Variants in GABRB1 observed in about 807,000 individuals in gnomAD.
GABRB1 encodes gamma-aminobutyric acid type A receptor subunit beta1, also known as gamma-aminobutyric acid receptor subunit beta-1.
In GABRB1, 17 loss-of-function variants were observed where a neutral mutation model predicts 51.6. That is an observed-to-expected ratio of 0.33 (90% CI 0.23 to 0.49). The LOEUF (loss-of-function observed/expected upper bound fraction) is 0.49. Among genes scored for constraint, GABRB1 ranks in the 20% least tolerant of loss-of-function variants. GABRB1 has a pLI of 0.99. For synonymous variants in GABRB1, 247 were observed against 218.9 expected (o/e 1.13, Z -1.14); for missense variants, 410 against 600.6 (o/e 0.68, Z 3.32).
intron 4 of GABRB1, among the ~76,000 whole-genome samples, chr4:47,302,165 A>G (rs544135810): frequency 3.9e-5 from 6 of 152,152 alleles, no homozygotes; most frequent in Non-Finnish European, 7.4e-5. Context: ...TGATCCAACA[A>G]TTCCCAATGT....
intron 3 of GABRB1, among the ~76,000 whole-genome samples, chr4:47,048,877 C>T (rs1444805567): frequency 1.3e-5 from 2 of 152,020 alleles, no homozygotes; most frequent in Non-Finnish European, 2.9e-5. Context: ...CCATTAAAAA[C>T]AGATCTTTTA....
chr4:47,025,351 C>T (rs1725058229), intron 1 of GABRB1, among the ~76,000 whole-genome samples: 1 of 151,922 alleles, frequency 6.6e-6, no homozygotes. Context: ...TACTAGTTTA[C>T]ATTCCCACCA....
chr4:47,379,480 C>T (rs991254714), intron 5 of GABRB1, among the ~76,000 whole-genome samples: 1 of 152,114 alleles, frequency 6.6e-6, no homozygotes, highest in Non-Finnish European at 1.5e-5. Context: ...TTTTTGAACA[C>T]ATTTAAAGTA....
At chr4:47,257,474 G>A (rs555210707) in intron 4 of GABRB1, among the ~76,000 whole-genome samples, 2 of 151,716 alleles carry the variant, frequency 1.3e-5, no homozygotes, top group South Asian at 4.2e-4. Context: ...ACAGCTAAAA[G>A]TTAGGGGAGG....
At chr4:47,173,119 C>T (rs1718514267) in intron 4 of GABRB1, among the ~76,000 whole-genome samples, 1 of 152,044 alleles carries the variant, frequency 6.6e-6, no homozygotes, top group Non-Finnish European at 1.5e-5. Context: ...ATTAAATTCC[C>T]AAATTCTTAC....
chr4:47,286,895 A>G (rs777322746), intron 4 of GABRB1, among the ~76,000 whole-genome samples: 6 of 152,198 alleles, frequency 3.9e-5, no homozygotes, highest in Non-Finnish European at 7.4e-5. Flanking sequence ...GATGCCCCCA[A>G]ACATGGCCAC....
chr4:47,146,546 C>G (rs1717178295), intron 3 of GABRB1, among the ~76,000 whole-genome samples: 2 of 152,020 alleles, frequency 1.3e-5, no homozygotes, highest in Admixed American at 1.3e-4. Context: ...GAATTCCAGG[C>G]CACTCTCAAA....
At chr4:47,181,900 C>G (rs963756811) in intron 4 of GABRB1, among the ~76,000 whole-genome samples, 2 of 151,992 alleles carry the variant, frequency 1.3e-5, no homozygotes, top group East Asian at 3.9e-4. Flanking sequence ...CCCCAAACTT[C>G]TAGCGGGGAG....
intron 4 of GABRB1, among the ~76,000 whole-genome samples, chr4:47,174,892 C>T (rs1718599011): frequency 7.3e-6 from 1 of 137,144 alleles, no homozygotes; most frequent in African/African-American, 2.6e-5. Context: ...TTCCTTCTTT[C>T]CTTCCTTCCT....
chr4:47,085,141 T>G (rs1039086184), intron 3 of GABRB1, among the ~76,000 whole-genome samples: 5 of 152,196 alleles, frequency 3.3e-5, no homozygotes, highest in Admixed American at 6.5e-5. Context: ...CAAAATGAAG[T>G]TGATGGACTT....
intron 4 of GABRB1, among the ~76,000 whole-genome samples, chr4:47,288,330 T>G (rs902775700): frequency 6.6e-6 from 1 of 151,968 alleles, no homozygotes; most frequent in African/African-American, 2.4e-5. Flanking sequence ...TGGCGCGATC[T>G]CGGCTCACTG....
intron 4 of GABRB1, among the ~76,000 whole-genome samples, chr4:47,204,189 T>C (rs1161645196): frequency 6.6e-6 from 1 of 152,162 alleles, no homozygotes; most frequent in Non-Finnish European, 1.5e-5. Flanking sequence ...ACATCGAGTC[T>C]GGGTTCTCTG....
intron 1 of GABRB1, among the ~76,000 whole-genome samples, chr4:47,003,930 T>A (rs1724302732): frequency 6.6e-6 from 1 of 152,242 alleles, no homozygotes; most frequent in Non-Finnish European, 1.5e-5. Flanking sequence ...AGTTAGGAAA[T>A]CATTAATTAT....
At chr4:47,137,407 A>G (rs942901324) in intron 3 of GABRB1, among the ~76,000 whole-genome samples, 4 of 152,070 alleles carry the variant, frequency 2.6e-5, no homozygotes, top group Non-Finnish European at 4.4e-5. Flanking sequence ...GTGATAAAAT[A>G]CCCCAAGTAA....
At chr4:47,391,713 C>T (rs1728000091) in intron 5 of GABRB1, among the ~76,000 whole-genome samples, 1 of 152,142 alleles carries the variant, frequency 6.6e-6, no homozygotes, top group South Asian at 2.1e-4. Context: ...CAAGAATATA[C>T]CAAATAGGTC....
intron 3 of GABRB1, among the ~76,000 whole-genome samples, chr4:47,088,250 T>C (rs1728158323): frequency 6.6e-6 from 1 of 152,124 alleles, no homozygotes; most frequent in Admixed American, 6.6e-5. Context: ...GGGACAGAGA[T>C]GAGGAATCAC....
chr4:47,046,251 G>T (rs1726081366), intron 3 of GABRB1, among the ~76,000 whole-genome samples: 1 of 151,944 alleles, frequency 6.6e-6, no homozygotes, highest in Non-Finnish European at 1.5e-5. Flanking sequence ...AGCAGGGTGA[G>T]GACGGACTAA....
chr4:47,407,015 A>G, intron 8 of GABRB1, 89 bp downstream of exon 8: 1 of 1,252,188 alleles, frequency 8.0e-7, no homozygotes. Context: ...AACGATTAAT[A>G]AAAAAATAGT....
intron 4 of GABRB1, among the ~76,000 whole-genome samples, chr4:47,291,048 G>A (rs1026224033): frequency 2.0e-5 from 3 of 152,186 alleles, no homozygotes; most frequent in Admixed American, 1.3e-4. Flanking sequence ...GCATTTCAGA[G>A]GTCTTCATGG....
Sources: allele counts gnomAD v4.1 joint callset (sites outside exome capture counted in the v4.1 genomes callset), GRCh38; gene constraint gnomAD v4.1.1; transcripts MANE v1.5; gene names NCBI Gene and HGNC (gene_info 2026-07-23, HGNC 2026-07-21).